FAM167A: variants seen among roughly 807,000 people sequenced by gnomAD.
FAM167A encodes the protein protein FAM167A.
In FAM167A, 23 loss-of-function variants were observed where a neutral mutation model predicts 14.9. The observed-to-expected ratio is 1.55, with a 90% CI of 1.11 to 2.19. FAM167A has a LOEUF of 2.19. Among genes scored for constraint, FAM167A ranks in the 30% most tolerant of loss-of-function variants. The probability of loss-of-function intolerance (pLI) is 0.00; values close to 1 mark genes in which losing one functional copy is unlikely to be tolerated. For synonymous variants in FAM167A, 174 were observed against 117.7 expected (o/e 1.48, Z -3.10); for missense variants, 401 against 281.5 (o/e 1.42, Z -3.04).
At chr8:11,431,647 G>A (rs1007203175) in intron 2 of FAM167A, among the ~76,000 whole-genome samples, 3 of 152,124 alleles carry the variant, frequency 2.0e-5, no homozygotes, top group Non-Finnish European at 4.4e-5. Context: ...ACTGCATCCA[G>A]GGGACCTCCT....
At chr8:11,470,253 A>G (rs181561406), upstream of FAM167A, among the ~76,000 whole-genome samples, 6 of 152,258 alleles carry the variant, frequency 3.9e-5, no homozygotes, top group African/African-American at 1.2e-4. Flanking sequence ...GGCCTCGCTA[A>G]TAAGGTGGTT....
chr8:11,424,787 A>G, intron 2 of FAM167A, 151 bp from the exon 3 acceptor site: 1 of 1,206,872 alleles, frequency 8.3e-7, no homozygotes, highest in Non-Finnish European at 1.1e-6. Flanking sequence ...GGAGGTGAAA[A>G]GACACAGAAA....
At chr8:11,447,171 T>C (rs1402537279) in intron 1 of FAM167A, among the ~76,000 whole-genome samples, 1 of 123,484 alleles carries the variant, frequency 8.1e-6, no homozygotes, top group Non-Finnish European at 1.7e-5. Flanking sequence ...ATTTCAATTA[T>C]TGGTTTCTTT....
At chr8:11,425,427 C>T (rs1237679352) in intron 2 of FAM167A, among the ~76,000 whole-genome samples, 3 of 152,188 alleles carry the variant, frequency 2.0e-5, no homozygotes, top group Non-Finnish European at 4.4e-5. Context: ...CAATGAAGTT[C>T]TGCTGCTCAA....
rs936596284 is a variant in FAM167A at position 11,474,651 on chromosome 8, G to C, written c.-398+1215C>G. 3.9e-5 allele frequency: 6 copies of C among 152,254 alleles called. No individual in the cohort carries two copies. The East Asian group carries it at 1.2e-3, about 29-fold the overall frequency. The allele number at this position is 152,254 out of a possible 1,614,324, so 9.4% of individuals were successfully genotyped here. ...GCGAGAAGCCACAGTGCAGAGGACA[G>C]ACTGATGAACACACAGAGAAATCAC... On this transcript the variant is annotated intron_variant, in intron 1 of 1. Coordinates refer to the FAM167A transcript ENST00000648766.
At chr8:11,457,346 T>C (rs977978635) in intron 1 of FAM167A, among the ~76,000 whole-genome samples, 1 of 151,932 alleles carries the variant, frequency 6.6e-6, no homozygotes, top group Non-Finnish European at 1.5e-5. Flanking sequence ...CGGCAGTCTC[T>C]TCTGAAGGAC....
At chr8:11,445,817 G>C (rs1186103028) in intron 1 of FAM167A, among the ~76,000 whole-genome samples, 3 of 132,600 alleles carry the variant, frequency 2.3e-5, no homozygotes, top group Non-Finnish European at 4.9e-5. Flanking sequence ...TTAAGGGTGT[G>C]TTTTAAAAAA....
At chr8:11,450,028 C>T (rs935902506) in intron 1 of FAM167A, among the ~76,000 whole-genome samples, 10 of 152,216 alleles carry the variant, frequency 6.6e-5, no homozygotes, top group Non-Finnish European at 1.3e-4. Flanking sequence ...CTTCCAGCCT[C>T]GCATTCTCCA....
intron 2 of FAM167A, among the ~76,000 whole-genome samples, chr8:11,441,629 T>A (rs1806443444): frequency 6.6e-6 from 1 of 152,206 alleles, no homozygotes; most frequent in Non-Finnish European, 1.5e-5. Flanking sequence ...CCCATAGCTC[T>A]CTACCCTGTA....
At position 11,421,736 on chromosome 8, in the gene FAM167A, G is replaced by C. The variant is rs1286071968; in HGVS notation, c.*2637C>G. The C allele has an allele frequency of 7.5e-6, 3 of 398,898 alleles. No homozygotes were observed. The highest frequency in any genetic ancestry group is 1.3e-5 in the Non-Finnish European group (3 of 226,112). 24.7% of individuals were successfully genotyped at this position (398,898 alleles called of 1,614,324 possible). ...CCACGCATGGCAGTGTCGGTGGAGA[G>C]TTTGCGTTTTACACCCAGCGATGCT... On this transcript the variant is annotated 3_prime_UTR_variant, in exon 3 of 3. Transcript: ENST00000284486.
intron 2 of FAM167A, 107 bp downstream of exon 2, chr8:11,443,924 A>C: frequency 1.5e-5 from 20 of 1,349,100 alleles, no homozygotes; most frequent in Non-Finnish European, 1.7e-5. Flanking sequence ...AGAGAGGGGA[A>C]GAAATACATG....
intron 2 of FAM167A, 89 bp downstream of exon 2, chr8:11,443,942 T>C (rs1161414589): frequency 7.0e-7 from 1 of 1,429,638 alleles, no homozygotes; most frequent in African/African-American, 1.5e-5. Flanking sequence ...ATGGTGGGGG[T>C]GGGGAGACAG....
chr8:11,429,960 A>G (rs1374885156), intron 2 of FAM167A, among the ~76,000 whole-genome samples: 1 of 152,256 alleles, frequency 6.6e-6, no homozygotes, highest in Non-Finnish European at 1.5e-5. Flanking sequence ...GAGGTGCACC[A>G]TCACTTAAGT....
chr8:11,434,358 G>A (rs997484556), intron 2 of FAM167A, among the ~76,000 whole-genome samples: 2 of 152,152 alleles, frequency 1.3e-5, no homozygotes, highest in Non-Finnish European at 2.9e-5. Context: ...TGGATGGGAG[G>A]GGGGCAGGTG....
At chr8:11,466,998 C>T (rs1807801214), upstream of FAM167A, among the ~76,000 whole-genome samples, 1 of 152,216 alleles carries the variant, frequency 6.6e-6, no homozygotes, top group African/African-American at 2.4e-5. Context: ...CCCAAACATC[C>T]ATTTTCTCAT....
In FAM167A at chr8:11,421,513, T is replaced by G. The variant is rs1377550613; in HGVS notation, c.*2860A>C. The G allele has an allele frequency of 2.9e-5, 11 of 384,594 alleles. No individual in the cohort carries two copies. The highest frequency in any genetic ancestry group is 2.2e-4 in the East Asian group (6 of 27,016). 23.8% of individuals were successfully genotyped at this position (384,594 alleles called of 1,614,324 possible). On this transcript the variant is annotated 3_prime_UTR_variant, in exon 3 of 3. Transcript: ENST00000284486. ...ATGGATATCTTCTTTTGAAGTATTT[T>G]TATTTCACTTTTTCTAACAGCAATA...
At chr8:11,464,371 G>A (rs1287319567) in intron 1 of FAM167A, among the ~76,000 whole-genome samples, 1 of 152,128 alleles carries the variant, frequency 6.6e-6, no homozygotes, top group Non-Finnish European at 1.5e-5. Context: ...AGACTCTACA[G>A]GTGATTGCAG....
chr8:11,444,656 C>A lies in FAM167A; in HGVS notation c.-245G>T, dbSNP rs1301668560. The A allele has an allele frequency of 3.9e-6, 5 of 1,290,104 alleles. No individual in the cohort carries two copies. The highest frequency in any genetic ancestry group is 4.9e-6 in the Non-Finnish European group (5 of 1,020,576). The allele number at this position is 1,290,104 out of a possible 1,614,324, so 79.9% of individuals were successfully genotyped here. On this transcript the variant is annotated 5_prime_UTR_variant, in exon 2 of 3. The change abolishes an upstream ATG in the 5' untranslated region. Coordinates refer to ENST00000284486, the MANE Select transcript of FAM167A (RefSeq NM_053279.3). ...ATCCGTCCTGGAAGCCTGTGGGTGCCATGCTCCACAGAAGGCAGGAACAGA... is the reference window on the plus strand; with the variant it reads ...ATCCGTCCTGGAAGCCTGTGGGTGCAATGCTCCACAGAAGGCAGGAACAGA...
At chr8:11,432,536 T>G (rs1245786920) in intron 2 of FAM167A, among the ~76,000 whole-genome samples, 1 of 152,212 alleles carries the variant, frequency 6.6e-6, no homozygotes, top group Non-Finnish European at 1.5e-5. Context: ...TCACACCAGT[T>G]AGGATGGTGA....
Sources: allele counts gnomAD v4.1 joint callset (sites outside exome capture counted in the v4.1 genomes callset), GRCh38; gene constraint gnomAD v4.1.1; transcripts MANE v1.5; gene names NCBI Gene and HGNC (gene_info 2026-07-23, HGNC 2026-07-21).